PTPRD: variants seen among roughly 807,000 people sequenced by gnomAD.
PTPRD encodes the protein protein tyrosine phosphatase receptor type D.
Under a neutral mutation model 214.5 loss-of-function variants are expected in PTPRD, and 34 were observed. The ratio of observed to expected loss-of-function variants is 0.16; its 90% CI spans 0.12 to 0.21. The LOEUF is 0.21. PTPRD is among the 10% of genes least tolerant of loss of function. The pLI is 1.00. For synonymous variants in PTPRD, 1,128 were observed against 845.7 expected, an observed-to-expected ratio of 1.33 and a Z score of -5.79; for missense variants, 2,545 against 2,398.7, an observed-to-expected ratio of 1.06 and a Z score of -1.27.
At chr9:9,183,531 T>C (rs192326132) in intron 9 of PTPRD, among the ~76,000 whole-genome samples, 168 bp from the exon 10 acceptor site, 5 of 152,162 alleles carry the variant, frequency 3.3e-5, no homozygotes, top group Admixed American at 1.3e-4. Flanking sequence ...ATACAATCTT[T>C]AATTGAAGTA....
At chr9:8,567,987 A>G (rs16928137) in intron 14 of PTPRD, among the ~76,000 whole-genome samples, 5,851 of 152,226 alleles carry the variant, frequency 0.038, 254 homozygotes, top group African/African-American at 0.096. Context: ...CCTTATTTTC[A>G]CGGAAATTTA....
chr9:10,432,233 C>T (rs2098687044), intron 2 of PTPRD, among the ~76,000 whole-genome samples: 1 of 133,356 alleles, frequency 7.5e-6, no homozygotes, highest in South Asian at 2.3e-4. Context: ...GGGAATTGAA[C>T]AATGAGATCA....
At chr9:10,201,712 T>C (rs769896390) in intron 3 of PTPRD, among the ~76,000 whole-genome samples, 12 of 152,098 alleles carry the variant, frequency 7.9e-5, no homozygotes, top group Non-Finnish European at 1.3e-4. Flanking sequence ...ATTAGCTTGA[T>C]TGAATCATTC....
At chr9:9,547,464 C>A (rs1443073652) in intron 8 of PTPRD, among the ~76,000 whole-genome samples, 2 of 152,016 alleles carry the variant, frequency 1.3e-5, no homozygotes, top group Non-Finnish European at 2.9e-5. Flanking sequence ...AGCTGCCTAG[C>A]CTGTTGAAAT....
chr9:9,058,611 G>A (rs1009388461), intron 10 of PTPRD, among the ~76,000 whole-genome samples: 1 of 150,836 alleles, frequency 6.6e-6, no homozygotes, highest in Non-Finnish European at 1.5e-5. Context: ...CACCTCGCCC[G>A]GCTAATTTTT....
chr9:10,463,565 A>T (rs1280905134), intron 2 of PTPRD, among the ~76,000 whole-genome samples: 1 of 152,214 alleles, frequency 6.6e-6, no homozygotes, highest in Non-Finnish European at 1.5e-5. Context: ...TTGAATTCAC[A>T]ATGACCTCAG....
At chr9:9,528,546 T>G (rs1046276024) in intron 8 of PTPRD, among the ~76,000 whole-genome samples, 5 of 152,024 alleles carry the variant, frequency 3.3e-5, no homozygotes, top group African/African-American at 1.2e-4. Context: ...GAGAACAAAA[T>G]ACTTGAAGAC....
At position 9,374,536 on chromosome 9, in the gene PTPRD, G is replaced by T. The variant is rs186199969; in HGVS notation, c.-203+22913C>A. 2.6e-5 allele frequency among the ~76,000 whole-genome samples: 4 copies of T among 152,242 alleles called. No homozygotes were observed. In the East Asian group the frequency reaches 7.7e-4, roughly 29 times the overall value. On this transcript the variant is annotated intron_variant, in intron 9 of 45. Transcript: ENST00000381196. ...TTTAATAGGATGAAGCTGAATGAGG[G>T]TAATAAAGTAAGGTAAAGTAAAGGG...
chr9:9,330,323 G>C (rs142977910), intron 9 of PTPRD, among the ~76,000 whole-genome samples: 1 of 152,040 alleles, frequency 6.6e-6, no homozygotes, highest in Non-Finnish European at 1.5e-5. Context: ...AAGAACCTCT[G>C]ATTGAAGCTG....
chr9:9,931,328 C>T (rs1489830885), intron 5 of PTPRD, among the ~76,000 whole-genome samples: 2 of 152,174 alleles, frequency 1.3e-5, no homozygotes, highest in African/African-American at 4.8e-5. Context: ...GTTCATCTCA[C>T]TAGGGAGTGC....
chr9:8,594,856 A>AC (rs1292053970), intron 14 of PTPRD, among the ~76,000 whole-genome samples: 27 of 132,362 alleles, frequency 2.0e-4, no homozygotes, highest in South Asian at 5.2e-4. Flanking sequence ...TATATGTTTA[A>AC]CCCCTTTTTT....
At chr9:10,518,417 T>C (rs2134076463) in intron 2 of PTPRD, among the ~76,000 whole-genome samples, 1 of 152,262 alleles carries the variant, frequency 6.6e-6, no homozygotes, top group Middle Eastern at 3.4e-3. Context: ...ATGTTGGCAA[T>C]CAGTCCAGTG....
At chr9:10,464,259 A>G (rs746649350) in intron 2 of PTPRD, among the ~76,000 whole-genome samples, 3 of 152,028 alleles carry the variant, frequency 2.0e-5, no homozygotes, top group Non-Finnish European at 2.9e-5. Flanking sequence ...AAATGCAAAA[A>G]TAAAGATTTT....
At chr9:9,255,334 A>G (rs79446385) in intron 9 of PTPRD, among the ~76,000 whole-genome samples, 4,385 of 152,120 alleles carry the variant, frequency 0.029, 242 homozygotes, top group African/African-American at 0.1. Context: ...TTTAAAAGCC[A>G]TTTGCTTCTT....
intron 2 of PTPRD, among the ~76,000 whole-genome samples, chr9:10,392,353 T>C (rs1247083469): frequency 1.3e-5 from 2 of 151,964 alleles, no homozygotes; most frequent in East Asian, 1.9e-4. Flanking sequence ...ATATTAGTCA[T>C]TTGAGATCAC....
chr9:10,579,512 A>T lies in PTPRD; in HGVS notation c.-600+32886T>A, dbSNP rs534472136. Among the ~76,000 whole-genome samples the T allele has an allele frequency of 3.9e-5, 6 of 152,242 alleles. No homozygotes were observed. The South Asian group carries it at 1.2e-3, about 32-fold the overall frequency. On this transcript the variant is annotated intron_variant, in intron 2 of 45. Coordinates refer to ENST00000381196, the MANE Select transcript of PTPRD (RefSeq NM_002839.4). ...GTACCACATTTTCTTTATCCAGTCC[A>T]CTGTTGATGGGCACCTAGGTTGGTT...
At chr9:9,021,052 C>G (rs183943333) in intron 10 of PTPRD, among the ~76,000 whole-genome samples, 1 of 152,030 alleles carries the variant, frequency 6.6e-6, no homozygotes, top group African/African-American at 2.4e-5. Flanking sequence ...TAATGTGCTG[C>G]CAATTTAACC....
intron 7 of PTPRD, among the ~76,000 whole-genome samples, chr9:9,667,107 C>A (rs1281561876): frequency 6.6e-6 from 1 of 151,914 alleles, no homozygotes; most frequent in Admixed American, 6.6e-5. Context: ...AGCTTTATAT[C>A]TTCTTTACTC....
intron 11 of PTPRD, among the ~76,000 whole-genome samples, chr9:8,747,388 A>G (rs973553945): frequency 1.3e-5 from 2 of 152,310 alleles, no homozygotes; most frequent in East Asian, 3.9e-4. Context: ...ACTTCCGAGG[A>G]AACACCTATC....
Sources: allele counts gnomAD v4.1 joint callset (sites outside exome capture counted in the v4.1 genomes callset), GRCh38; gene constraint gnomAD v4.1.1; transcripts MANE v1.5; gene names NCBI Gene and HGNC (gene_info 2026-07-23, HGNC 2026-07-21).